The following FKBP9 variants were observed in gnomAD, a reference collection of about 807,000 sequenced individuals.
The protein encoded by FKBP9 is FKBP prolyl isomerase 9.
FKBP9 carries 27 observed loss-of-function variants against 55.6 expected under a neutral mutation model. The observed-to-expected ratio is 0.49, with a 90% CI of 0.36 to 0.67. The LOEUF is 0.67. FKBP9 is among the 30% of genes least tolerant of loss of function. The probability of loss-of-function intolerance (pLI) is 0.00; values close to 1 mark genes in which losing one functional copy is unlikely to be tolerated. For synonymous variants in FKBP9, 267 were observed against 296.5 expected (o/e 0.90, Z 1.02); for missense variants, 539 against 742.8 (o/e 0.73, Z 3.19).
At chr7:32,958,067 C>G (rs1395689909) in intron 1 of FKBP9, among the ~76,000 whole-genome samples, 5 of 152,214 alleles carry the variant, frequency 3.3e-5, no homozygotes, top group Non-Finnish European at 5.9e-5. Context: ...TTCCTCCCAG[C>G]GCATGGACAC....
chr7:33,003,647 T>G (rs1241664238), intron 9 of FKBP9, among the ~76,000 whole-genome samples: 1 of 152,128 alleles, frequency 6.6e-6, no homozygotes, highest in Non-Finnish European at 1.5e-5. Context: ...GCTCTTACGC[T>G]CCTCTTAACT....
At chr7:32,995,391 CT>C (rs1179287734) in intron 6 of FKBP9, among the ~76,000 whole-genome samples, 1 of 152,054 alleles carries the variant, frequency 6.6e-6, no homozygotes, top group Non-Finnish European at 1.5e-5. Flanking sequence ...TGTATTACAA[CT>C]GATGCATATG....
rs1368013758 is a variant in FKBP9 at position 32,961,835 on chromosome 7, C to CT, written c.221+4042dup. ...TTATGAGAATCTAATGCGTGATGAT[C>CT]TGTCACTGTCTCCCATCACCCCTAG... On this transcript the variant is annotated intron_variant, in intron 1 of 9. Coordinates refer to ENST00000242209, the MANE Select transcript of FKBP9 (RefSeq NM_007270.5). 2.0e-5 allele frequency among the ~76,000 whole-genome samples: 3 copies of CT among 150,880 alleles called. No homozygotes were observed. The Admixed American group carries it at 2.0e-4, about 10-fold the overall frequency.
In FKBP9 at chr7:32,965,866, T is replaced by TATATGTATACACATATATATATAC. The variant is rs70989913; in HGVS notation, c.221+8073_221+8074insTATGTATACACATATATATATACA. 1.8e-3 allele frequency among the ~76,000 whole-genome samples: 177 copies of TATATGTATACACATATATATATAC among 97,528 alleles called. 8 individuals carry two copies. The highest frequency in any genetic ancestry group is 8.2e-3 in the African/African-American group (172 of 21,074). 64.0% of individuals were successfully genotyped at this position (97,528 alleles called of 152,430 possible). A position where few individuals can be genotyped will look rare whatever the true frequency, so the allele number is the denominator to read the frequency against. On this transcript the variant is annotated intron_variant, in intron 1 of 9. Coordinates refer to ENST00000242209, the MANE Select transcript of FKBP9 (RefSeq NM_007270.5). ...ATATGTGTGTACAGATATATATATA[T>TATATGTATACACATATATATATAC]ACATACATATATATATATAGAGAGA...
In FKBP9 at chr7:32,996,360, C is replaced by A. The variant is rs764653835; in HGVS notation, c.1226+11C>A. On this transcript the variant is annotated intron_variant, in intron 7 of 9. Coordinates refer to ENST00000242209, the MANE Select transcript of FKBP9 (RefSeq NM_007270.5). ...CCTGCTGGACTCCACGTAAGGGCAA[C>A]CAGAATGGTGTGGGAGTGAGCCTGG... 7 of 1,606,492 alleles carry A rather than the reference C, an allele frequency of 4.4e-6. No individual in the cohort carries two copies. Among genetic ancestry groups the A allele is most frequent in the Non-Finnish European group, 6.0e-6 (7 of 1,174,188 alleles).
chr7:32,985,382 G>A (rs1307868160), intron 5 of FKBP9, among the ~76,000 whole-genome samples: 10 of 151,622 alleles, frequency 6.6e-5, no homozygotes, highest in Non-Finnish European at 1.2e-4. Flanking sequence ...GTTTCAACAT[G>A]TTGGGCCGGG....
rs1783930807 is a variant in FKBP9, at chr7:32,957,799, C to G, written c.221+5C>G. The stretch of plus-strand genomic sequence containing the variant: ...CGGCCAGAAGTTCGACTCCAGGTAC[C>G]GCGCCCTTGGCGCCCGGCGCGGCCT... On this transcript the variant is annotated splice_donor_5th_base_variant and intron_variant, in intron 1 of 9. Coordinates refer to ENST00000242209, the MANE Select transcript of FKBP9 (RefSeq NM_007270.5). 7.0e-7 allele frequency: 1 copy of G among 1,437,916 alleles called. No individual in the cohort carries two copies. The highest frequency in any genetic ancestry group is 9.1e-7 in the Non-Finnish European group (1 of 1,098,576). 89.1% of individuals were successfully genotyped at this position (1,437,916 alleles called of 1,614,324 possible).
chr7:32,965,466 G>T (rs1784114690), intron 1 of FKBP9, among the ~76,000 whole-genome samples: 1 of 151,976 alleles, frequency 6.6e-6, no homozygotes, highest in Non-Finnish European at 1.5e-5. Context: ...TCTTATTGCA[G>T]ATTTAAACCT....
chr7:32,957,777 C>A lies in FKBP9; in HGVS notation c.204C>A (p.Gly68=). The part of the protein sequence containing the change: ...RYHYVGTFPD[G]QKFDSSYDRD... ...ACTACGTGGGGACGTTCCCCGACGGCCAGAAGTTCGACTCCAGGTACCGCG... is the reference window on the plus strand; with the variant it reads ...ACTACGTGGGGACGTTCCCCGACGGACAGAAGTTCGACTCCAGGTACCGCG... Residue 68 remains glycine (G), a synonymous_variant, in exon 1 of 10, where the codon GGC becomes GGA. Transcript: ENST00000242209. 6.9e-7 allele frequency: 1 copy of A among 1,456,614 alleles called. No homozygotes were observed. Among genetic ancestry groups the A allele is most frequent in the Non-Finnish European group, 9.0e-7 (1 of 1,106,142 alleles). 90.2% of individuals were successfully genotyped at this position (1,456,614 alleles called of 1,614,324 possible). A position where few individuals can be genotyped will look rare whatever the true frequency, so the allele number is the denominator to read the frequency against.
chr7:32,984,799 A>T (rs149345129), intron 5 of FKBP9, among the ~76,000 whole-genome samples: 24 of 152,342 alleles, frequency 1.6e-4, no homozygotes, highest in African/African-American at 5.5e-4. Flanking sequence ...ATGGTTAGCT[A>T]GTTTTTCCAA....
In FKBP9 at chr7:32,975,173, A is replaced by C. The variant is rs1194042072; in HGVS notation, c.368-9A>C. 1 of 1,610,070 alleles carries C rather than the reference A, an allele frequency of 6.2e-7. No homozygotes were observed. Among genetic ancestry groups the C allele is most frequent in the South Asian group, 1.1e-5 (1 of 90,986 alleles). On this transcript the variant is annotated splice_polypyrimidine_tract_variant and intron_variant, in intron 2 of 9. Transcript: ENST00000242209. ...ACTGTGAACTCAGTGTGTAATCTTT[A>C]ATTTCTAGCTGGTGTGATCCCCCCC...
At chr7:32,966,374 A>G (rs1489565237) in intron 1 of FKBP9, among the ~76,000 whole-genome samples, 1 of 152,032 alleles carries the variant, frequency 6.6e-6, no homozygotes, top group African/African-American at 2.4e-5. Context: ...CAACTTTCCC[A>G]TCACCCCCCT....
intron 9 of FKBP9, among the ~76,000 whole-genome samples, chr7:33,003,876 T>C (rs1784979694): frequency 6.6e-6 from 1 of 152,108 alleles, no homozygotes; most frequent in African/African-American, 2.4e-5. Flanking sequence ...CCTGATGGCG[T>C]CTGGATTTGT....
Position 33,000,204 on chromosome 7 carries a change from G to A in FKBP9, c.1316G>A (p.Gly439Asp), listed in dbSNP as rs1227004290. 2 of 1,613,430 alleles carry A rather than the reference G, an allele frequency of 1.2e-6. No homozygotes were observed. The highest frequency in any genetic ancestry group is 1.7e-6 in the Non-Finnish European group (2 of 1,179,766). ...MDMGLREMCV[G>D]EKRTVIIPPH... ...ATGGGTCTCAGAGAGATGTGCGTTGGCGAGAAACGGACAGTGATCATTCCG... is the reference window on the plus strand; with the variant it reads ...ATGGGTCTCAGAGAGATGTGCGTTGACGAGAAACGGACAGTGATCATTCCG... Residue 439 changes from glycine to aspartate, a missense_variant, in exon 8 of 10, where the codon GGC (glycine) becomes GAC (aspartate). By Grantham distance (94) the Gly-to-Asp change is moderately conservative (BLOSUM62 -1). This residue lies in a region of FKBP9 where 102 missense variants were observed against 200.7 expected (regional missense o/e 0.51). Coordinates refer to ENST00000242209, the MANE Select transcript of FKBP9 (RefSeq NM_007270.5).
At chr7:32,958,068 G>T (rs949846101) in intron 1 of FKBP9, among the ~76,000 whole-genome samples, 3 of 152,196 alleles carry the variant, frequency 2.0e-5, no homozygotes, top group Non-Finnish European at 4.4e-5. Flanking sequence ...TCCTCCCAGC[G>T]CATGGACACA....
intron 6 of FKBP9, among the ~76,000 whole-genome samples, chr7:32,989,381 C>T (rs1052289312): frequency 1.3e-5 from 2 of 152,106 alleles, no homozygotes; most frequent in African/African-American, 4.8e-5. Flanking sequence ...GCAAAGAAAT[C>T]CTGCCACCCA....
chr7:32,974,596 C>T (rs769837037), intron 1 of FKBP9, 21 bp from the exon 2 acceptor site: 1 of 1,607,016 alleles, frequency 6.2e-7, no homozygotes, highest in East Asian at 2.2e-5. Context: ...CTTTCTCTTT[C>T]CCTACCCTTT....
chr7:32,963,081 A>G (rs957611805), intron 1 of FKBP9, among the ~76,000 whole-genome samples: 2 of 152,232 alleles, frequency 1.3e-5, no homozygotes, highest in Non-Finnish European at 2.9e-5. Flanking sequence ...TGCTGAAGCC[A>G]TATGAAAGGC....
chr7:32,974,984 G>C (rs1361460047), intron 2 of FKBP9, 198 bp from the exon 3 acceptor site: 2 of 639,722 alleles, frequency 3.1e-6, no homozygotes, highest in African/African-American at 3.7e-5. Context: ...CCCTCAATGA[G>C]AAGAAGACTG....
Sources: allele counts gnomAD v4.1 joint callset (sites outside exome capture counted in the v4.1 genomes callset), GRCh38; gene constraint gnomAD v4.1.1; regional missense constraint gnomAD v4.1.1; transcripts MANE v1.5; gene names NCBI Gene and HGNC (gene_info 2026-07-23, HGNC 2026-07-21).